ARL5A: variants seen among roughly 807,000 people sequenced by gnomAD.
ARL5A encodes ADP-ribosylation factor-like protein 5A.
A neutral mutation model predicts 25.9 loss-of-function variants in ARL5A; 18 were observed. That is an observed-to-expected ratio of 0.69 (90% CI 0.48 to 1.03). ARL5A has a LOEUF of 1.03. Ranked by LOEUF, ARL5A falls within the 50% of genes least tolerant of loss-of-function variation. ARL5A has a pLI of 0.00. For missense variants in ARL5A, 170 were observed against 211.9 expected (o/e 0.80, Z 1.23); for synonymous variants, 61 against 67.5 (o/e 0.90, Z 0.47).
intron 1 of ARL5A, among the ~76,000 whole-genome samples, chr2:151,826,649 A>C (rs1398441496): frequency 6.6e-6 from 1 of 152,232 alleles, no homozygotes; most frequent in Non-Finnish European, 1.5e-5. Context: ...TATAAGTACC[A>C]TCAGTCTTAC....
intron 1 of ARL5A, among the ~76,000 whole-genome samples, chr2:151,818,350 C>T (rs2099831802): frequency 6.6e-6 from 1 of 152,130 alleles, no homozygotes; most frequent in African/African-American, 2.4e-5. Flanking sequence ...ACAATCACGG[C>T]TCACTGTTGC....
intron 4 of ARL5A, among the ~76,000 whole-genome samples, chr2:151,809,733 C>T (rs376972766): frequency 1.4e-3 from 212 of 152,290 alleles, no homozygotes; most frequent in African/African-American, 4.9e-3. Flanking sequence ...ACAGCAATTG[C>T]AAGACACATT....
intron 1 of ARL5A, among the ~76,000 whole-genome samples, chr2:151,824,594 T>C (rs1261007515): frequency 1.3e-5 from 2 of 152,216 alleles, no homozygotes; most frequent in African/African-American, 2.4e-5. Flanking sequence ...TTCATACTTA[T>C]AATTCCTTTT....
At chr2:151,813,593 T>C (rs1238660348) in intron 3 of ARL5A, among the ~76,000 whole-genome samples, 3 of 152,340 alleles carry the variant, frequency 2.0e-5, no homozygotes, top group African/African-American at 7.2e-5. Flanking sequence ...AACCATGCTT[T>C]ATTAACTTGT....
chr2:151,803,393 G>A (rs2099829676), intron 5 of ARL5A, 69 bp from the exon 6 acceptor site: 1 of 1,117,782 alleles, frequency 8.9e-7, no homozygotes, highest in Non-Finnish European at 1.4e-6. Context: ...ACTATGAACA[G>A]CAAACTAAAA....
Position 151,799,128 on chromosome 2 carries a change from A to C in ARL5A, c.*4148T>G, listed in dbSNP as rs1447789656. 13 of 152,142 alleles carry C rather than the reference A, an allele frequency of 8.5e-5. No individual in the cohort carries two copies. The highest frequency in any genetic ancestry group is 6.5e-4 in the Admixed American group (10 of 15,278). 9.4% of individuals were successfully genotyped at this position (152,142 alleles called of 1,614,324 possible). The stretch of plus-strand genomic sequence containing the variant: ...TTTACTCTATTATCATGGTCTTAAA[A>C]TAATCTATCGCACATTCTTTGAGGG... On this transcript the variant is annotated 3_prime_UTR_variant, in exon 6 of 6. Coordinates refer to ENST00000295087, the MANE Select transcript of ARL5A (RefSeq NM_012097.4).
intron 4 of ARL5A, among the ~76,000 whole-genome samples, chr2:151,808,718 A>G (rs2099830429): frequency 6.6e-6 from 1 of 152,250 alleles, no homozygotes; most frequent in Non-Finnish European, 1.5e-5. Flanking sequence ...AAGGATATAC[A>G]GTAAATATTT....
At chr2:151,823,514 A>C (rs561214744) in intron 1 of ARL5A, among the ~76,000 whole-genome samples, 1 of 152,172 alleles carries the variant, frequency 6.6e-6, no homozygotes, top group African/African-American at 2.4e-5. Context: ...TTGAACTTGG[A>C]AAGTTCAACA....
At chr2:151,823,735 C>T (rs116709336) in intron 1 of ARL5A, among the ~76,000 whole-genome samples, 1,659 of 152,222 alleles carry the variant, frequency 0.011, 29 homozygotes, top group African/African-American at 0.038. Flanking sequence ...GTGGAACCTG[C>T]CCAAAAATCC....
At chr2:151,826,969 A>T (rs922225387) in intron 1 of ARL5A, among the ~76,000 whole-genome samples, 2 of 152,206 alleles carry the variant, frequency 1.3e-5, no homozygotes, top group African/African-American at 4.8e-5. Flanking sequence ...ATTAGGGATC[A>T]CAAGTTCTAG....
intron 1 of ARL5A, among the ~76,000 whole-genome samples, chr2:151,816,699 C>T (rs1302163485): frequency 6.6e-6 from 1 of 152,134 alleles, no homozygotes; most frequent in Non-Finnish European, 1.5e-5. Flanking sequence ...GTTTTGCTAG[C>T]CCAGAAAAAG....
rs897922943 is a variant in ARL5A at position 151,799,498 on chromosome 2, A to G, written c.*3778T>C. The G allele has an allele frequency of 2.0e-5, 3 of 152,236 alleles. No individual in the cohort carries two copies. Among genetic ancestry groups the G allele is most frequent in the Non-Finnish European group, 4.4e-5 (3 of 68,038 alleles). 9.4% of individuals were successfully genotyped at this position (152,236 alleles called of 1,614,324 possible). A position where few individuals can be genotyped will look rare whatever the true frequency, so the allele number is the denominator to read the frequency against. On this transcript the variant is annotated 3_prime_UTR_variant, in exon 6 of 6. Coordinates refer to ENST00000295087, the MANE Select transcript of ARL5A (RefSeq NM_012097.4). The stretch of plus-strand genomic sequence containing the variant: ...AACCATTCTTGGTAGTGGGAAGATA[A>G]TACACATAAAACTTAATCCTGCCCA...
intron 4 of ARL5A, among the ~76,000 whole-genome samples, chr2:151,808,132 T>G (rs1285948957): frequency 6.6e-6 from 1 of 152,216 alleles, no homozygotes; most frequent in African/African-American, 2.4e-5. Flanking sequence ...CTAAATTCCC[T>G]ACATGGATAC....
rs1371276525 is a variant in ARL5A at position 151,802,121 on chromosome 2, T to TA, written c.*1154dup. On this transcript the variant is annotated 3_prime_UTR_variant, in exon 6 of 6. Transcript: ENST00000295087. ...TAGAAGATACAACAAAATTTAGAAA[T>TA]AAAAAATCTCACACTATATTCCAAG... 5 of 152,158 alleles carry TA rather than the reference T, an allele frequency of 3.3e-5. No individual in the cohort carries two copies. Among genetic ancestry groups the TA allele is most frequent in the African/African-American group, 9.6e-5 (4 of 41,538 alleles). 9.4% of individuals were successfully genotyped at this position (152,158 alleles called of 1,614,324 possible).
At position 151,814,184 on chromosome 2, in the gene ARL5A, G is replaced by GT. The variant is rs2099831199; in HGVS notation, c.239dup (p.Tyr80Ter). The GT allele has an allele frequency of 6.3e-7, 1 of 1,598,354 alleles. No homozygotes were observed. Among genetic ancestry groups the GT allele is most frequent in the Non-Finnish European group, 8.5e-7 (1 of 1,175,416 alleles). ...GAAACATTACCTCTGTGTTAGTATA[G>GT]TAAGTGTTCCAGGAAGAACGAAGAG... ...QESLRSSWNTYYTNTEFVIVV... is the reference protein window; with the variant it reads ...QESLRSSWNT Residue 80 changes from tyrosine (Y) to a stop codon, truncating the protein, a stop_gained and frameshift_variant, in exon 3 of 6, where the codon TAC (tyrosine) becomes TAAC (stop). Coordinates refer to ENST00000295087, the MANE Select transcript of ARL5A (RefSeq NM_012097.4). LOFTEE classifies it high-confidence loss of function.
intron 4 of ARL5A, 141 bp from the exon 5 acceptor site, chr2:151,807,113 T>C (rs1330138336): frequency 5.5e-6 from 4 of 722,930 alleles, no homozygotes; most frequent in African/African-American, 1.8e-5. Flanking sequence ...CCTAGGCTGA[T>C]AACACATTTT....
At chr2:151,804,387 T>C (rs2099829820) in intron 5 of ARL5A, among the ~76,000 whole-genome samples, 1 of 152,216 alleles carries the variant, frequency 6.6e-6, no homozygotes, top group Admixed American at 6.5e-5. Flanking sequence ...TTAACTATTA[T>C]CTATGACAAG....
chr2:151,806,560 C>G (rs915436496), intron 5 of ARL5A, among the ~76,000 whole-genome samples: 1 of 152,126 alleles, frequency 6.6e-6, no homozygotes, highest in Admixed American at 6.6e-5. Flanking sequence ...ACTGATACTC[C>G]CATTTCTCTG....
At chr2:151,803,836 C>G (rs576645473) in intron 5 of ARL5A, among the ~76,000 whole-genome samples, 1 of 152,304 alleles carries the variant, frequency 6.6e-6, no homozygotes, top group East Asian at 1.9e-4. Context: ...TATCAATACT[C>G]TGCATCCTTT....
Sources: allele counts gnomAD v4.1 joint callset (sites outside exome capture counted in the v4.1 genomes callset), GRCh38; gene constraint gnomAD v4.1.1; transcripts MANE v1.5; gene names NCBI Gene and HGNC (gene_info 2026-07-23, HGNC 2026-07-21).